The following TMEM62 variants were observed in gnomAD, a reference collection of about 807,000 sequenced individuals.
TMEM62 encodes transmembrane protein 62.
TMEM62 carries 41 observed loss-of-function variants against 70.4 expected under a neutral mutation model. The ratio of observed to expected loss-of-function variants is 0.58; its 90% CI spans 0.45 to 0.76. The LOEUF (loss-of-function observed/expected upper bound fraction) is 0.76. Among genes scored for constraint, TMEM62 ranks in the 30% least tolerant of loss-of-function variants. TMEM62 has a pLI of 0.00. For missense variants in TMEM62, 688 were observed against 788.5 expected (o/e 0.87, Z 1.53); for synonymous variants, 268 against 291.0 (o/e 0.92, Z 0.80).
Position 43,135,417 on chromosome 15 carries a change from A to G in TMEM62, c.293-95A>G, listed in dbSNP as rs930594967. ...TATGCTTATACACGTTGAGTGCTTT[A>G]AGTATCCTTGTTCCTTCAGTGTACA... On this transcript the variant is annotated intron_variant, in intron 2 of 13. Coordinates refer to ENST00000260403, the MANE Select transcript of TMEM62 (RefSeq NM_024956.4). 8.4e-6 allele frequency: 11 copies of G among 1,302,366 alleles called. No individual in the cohort carries two copies. The South Asian group carries it at 1.1e-4, about 13-fold the overall frequency. The allele number at this position is 1,302,366 out of a possible 1,614,324, so 80.7% of individuals were successfully genotyped here.
At chr15:43,171,794 A>T (rs1299722332) in intron 11 of TMEM62, among the ~76,000 whole-genome samples, 1 of 151,220 alleles carries the variant, frequency 6.6e-6, no homozygotes, top group African/African-American at 2.4e-5. Flanking sequence ...CGCCTGGCTA[A>T]TTTTTTGCAT....
At chr15:43,160,115 C>A (rs144387296) in intron 9 of TMEM62, among the ~76,000 whole-genome samples, 1 of 151,898 alleles carries the variant, frequency 6.6e-6, no homozygotes, top group East Asian at 2.0e-4. Context: ...ATTACAGGTG[C>A]GTATCACCAT....
At chr15:43,148,303 C>G (rs1401451561) in intron 5 of TMEM62, among the ~76,000 whole-genome samples, 2 of 152,124 alleles carry the variant, frequency 1.3e-5, no homozygotes, top group Non-Finnish European at 2.9e-5. Context: ...CTTTCTGTTG[C>G]TGAGTGCTGT....
chr15:43,178,640 C>A lies in TMEM62; in HGVS notation c.1415C>A (p.Ser472Tyr), dbSNP rs1464256444. The change falls in exon 12 of 14, where the codon TCT becomes TAT. Residue 472 changes from serine to tyrosine, a missense_variant. Coordinates refer to ENST00000260403, the MANE Select transcript of TMEM62 (RefSeq NM_024956.4). ...GGGTTTATAAATCTGACCTCATTTT[C>A]TCTTCATGTCTTGAGCAAAATAAAC... ...PSGFINLTSFSLHVLSKINIF... is the reference protein window; with the variant it reads ...PSGFINLTSFYLHVLSKINIF... The A allele has an allele frequency of 1.9e-6, 3 of 1,612,478 alleles. No homozygotes were observed. The highest frequency in any genetic ancestry group is 2.5e-6 in the Non-Finnish European group (3 of 1,179,012).
chr15:43,160,543 A>AAACAACAAC lies in TMEM62; in HGVS notation c.1183-120_1183-112dup, dbSNP rs199988098. On this transcript the variant is annotated intron_variant, in intron 9 of 13. Coordinates refer to ENST00000260403, the MANE Select transcript of TMEM62 (RefSeq NM_024956.4). The stretch of plus-strand genomic sequence containing the variant: ...CTGGACAACAGAGAGAAACCTTGAA[A>AAACAACAAC]AACAACAACAACAACAACAACAACA... The AAACAACAAC allele has an allele frequency of 7.6e-4, 452 of 595,736 alleles. 1 individual carries two copies. In the African/African-American group the frequency reaches 7.9e-3, roughly 10 times the overall value. 36.9% of individuals were successfully genotyped at this position (595,736 alleles called of 1,614,324 possible).
intron 10 of TMEM62, 51 bp from the exon 11 acceptor site, chr15:43,169,542 C>A: frequency 2.0e-6 from 3 of 1,484,674 alleles, no homozygotes; most frequent in Non-Finnish European, 2.8e-6. Flanking sequence ...AAAATCTTAA[C>A]TGAAAGTGTA....
intron 8 of TMEM62, among the ~76,000 whole-genome samples, chr15:43,153,997 G>T (rs2037732897): frequency 6.6e-6 from 1 of 152,162 alleles, no homozygotes; most frequent in Non-Finnish European, 1.5e-5. Flanking sequence ...AACAACAGAT[G>T]CTAATTTATC....
At chr15:43,164,219 G>C (rs2039104868) in intron 10 of TMEM62, among the ~76,000 whole-genome samples, 1 of 152,106 alleles carries the variant, frequency 6.6e-6, no homozygotes, top group African/African-American at 2.4e-5. Context: ...TCAGATGTTT[G>C]ATTCCATCTC....
chr15:43,154,805 A>T lies in TMEM62; in HGVS notation c.1156A>T (p.Thr386Ser). 2 of 1,612,458 alleles carry T rather than the reference A, an allele frequency of 1.2e-6. No individual in the cohort carries two copies. Among genetic ancestry groups the T allele is most frequent in the South Asian group, 2.2e-5 (2 of 90,802 alleles). ...GAATCCTAGAAACTACAGTAGTGGG[A>T]CACATAACATAGAAGTAATCGTCCA... ...KWNPRNYSSG[T>S]HNIEVIVQDS... Residue 386 changes from threonine to serine, a missense_variant, in exon 9 of 14, where the codon ACA becomes TCA. By Grantham distance (58) the Thr-to-Ser change is moderately conservative. Transcript: ENST00000260403.
chr15:43,179,718 G>A (rs1409130125), intron 12 of TMEM62: 1 of 152,146 alleles, frequency 6.6e-6, no homozygotes, highest in African/African-American at 2.4e-5. Context: ...TAGCCTATTT[G>A]TTGCCTAGTC....
At chr15:43,160,406 C>T in intron 9 of TMEM62, 1 of 262,148 alleles carries the variant, frequency 3.8e-6, no homozygotes, top group African/African-American at 2.2e-5. Flanking sequence ...TAAATATTAG[C>T]CAGGCGTAGT....
intron 9 of TMEM62, among the ~76,000 whole-genome samples, chr15:43,156,298 G>A (rs550936915): frequency 2.0e-5 from 3 of 152,238 alleles, no homozygotes; most frequent in African/African-American, 7.2e-5. Context: ...ATCCTTTGTT[G>A]GGGGTAGTTT....
intron 11 of TMEM62, 156 bp downstream of exon 11, chr15:43,169,833 A>G: frequency 1.7e-6 from 1 of 593,756 alleles, no homozygotes; most frequent in South Asian, 2.3e-5. Context: ...GTCCTGAGGC[A>G]GTTGGATTAC....
At chr15:43,139,259 C>T (rs1015553645) in intron 4 of TMEM62, among the ~76,000 whole-genome samples, 3 of 152,166 alleles carry the variant, frequency 2.0e-5, no homozygotes, top group Admixed American at 2.0e-4. Flanking sequence ...AGTCCAGGAA[C>T]TTAATCAATA....
At position 43,133,694 on chromosome 15, in the gene TMEM62, C is replaced by A; in HGVS notation, c.-109C>A. The A allele has an allele frequency of 1.3e-6, 1 of 796,806 alleles. No homozygotes were observed. Among genetic ancestry groups the A allele is most frequent in the Non-Finnish European group, 1.7e-6 (1 of 588,238 alleles). 49.4% of individuals were successfully genotyped at this position (796,806 alleles called of 1,614,324 possible). A position where few individuals can be genotyped will look rare whatever the true frequency, so the allele number is the denominator to read the frequency against. On this transcript the variant is annotated 5_prime_UTR_variant, in exon 1 of 14. Transcript: ENST00000260403. ...CATCCGGCGCCGGCCCCGCATCCAG[C>A]TCTGGCCCTGCGACAATAGAGTCCG...
chr15:43,176,705 C>T lies in TMEM62; in HGVS notation c.1382-1902C>T, dbSNP rs1278061334. On this transcript the variant is annotated intron_variant, in intron 11 of 13. Transcript: ENST00000260403. ...TCTGTACATCACCATCATCAAAGAC[C>T]AAAAGTAGATAAAACCACAAAGATG... Among the ~76,000 whole-genome samples, 23 of 151,828 alleles carry T rather than the reference C, an allele frequency of 1.5e-4. 1 individual carries two copies. The highest frequency in any genetic ancestry group is 1.5e-3 in the Admixed American group (23 of 15,254).
intron 5 of TMEM62, among the ~76,000 whole-genome samples, chr15:43,148,001 C>T (rs1256537658): frequency 6.6e-6 from 1 of 152,128 alleles, no homozygotes; most frequent in African/African-American, 2.4e-5. Context: ...ATAAAATACC[C>T]TCATTTTAAA....
At chr15:43,161,620 A>G (rs1376297373) in intron 10 of TMEM62, among the ~76,000 whole-genome samples, 3 of 152,118 alleles carry the variant, frequency 2.0e-5, no homozygotes, top group East Asian at 1.9e-4. Flanking sequence ...GTATATATAT[A>G]TGTGTGTGTG....
chr15:43,149,229 A>C, intron 7 of TMEM62, 78 bp downstream of exon 7: 8 of 1,436,878 alleles, frequency 5.6e-6, no homozygotes, highest in Non-Finnish European at 7.6e-6. Flanking sequence ...TACTGATATC[A>C]TGGGTGATCA....
Sources: gnomAD v4.1 joint callset for allele counts (sites outside exome capture counted in the v4.1 genomes callset) on GRCh38, gnomAD v4.1.1 for gene constraint, MANE v1.5 for transcripts, NCBI Gene and HGNC (gene_info 2026-07-23, HGNC 2026-07-21) for gene names.